The following SH3BGRL variants were observed in gnomAD, a reference collection of about 807,000 sequenced individuals.
SH3BGRL encodes adapter SH3BGRL.
Under a neutral mutation model 9.8 loss-of-function variants are expected in SH3BGRL, and 7 were observed. The ratio of observed to expected loss-of-function variants is 0.72; its 90% CI spans 0.41 to 1.35. SH3BGRL has a LOEUF of 1.35. SH3BGRL is among the 40% of genes most tolerant of loss of function. The pLI is 0.01. For missense variants in SH3BGRL, 73 were observed against 84.4 expected (o/e 0.86, Z 0.53); for synonymous variants, 36 against 29.1 (o/e 1.24, Z -0.76).
intron 1 of SH3BGRL, among the ~76,000 whole-genome samples, chrX:81,225,440 CTAT>C (rs2075613893): frequency 9.0e-6 from 1 of 110,704 alleles, no homozygotes; most frequent in Admixed American, 9.6e-5. Context: ...TCTCCATTGC[CTAT>C]TATTTAACTC....
intron 1 of SH3BGRL, among the ~76,000 whole-genome samples, chrX:81,228,014 T>A (rs899254935): frequency 8.9e-6 from 1 of 112,411 alleles, no homozygotes; most frequent in Non-Finnish European, 1.9e-5. Context: ...TTCATGTAAG[T>A]ATGTATAGTC....
Position 81,202,415 on chromosome X carries a change from A to ATT in SH3BGRL, c.45+182_45+183dup, listed in dbSNP as rs35063255. 0.011 allele frequency: 8,673 copies of ATT among 804,922 alleles called. 46 individuals carry two copies. In the East Asian group the frequency reaches 0.17, roughly 16 times the overall value. The allele number at this position is 804,922 out of a possible 1,213,427, so 66.3% of individuals were successfully genotyped here. A position where few individuals can be genotyped will look rare whatever the true frequency, so the allele number is the denominator to read the frequency against. Reference sequence around the variant, plus strand: ...TTTTTCCCTTTGTTGCATCGATTTCATTTTTTTTTTTTTCCACATAGAGTT... The same window carrying ATT: ...TTTTTCCCTTTGTTGCATCGATTTCATTTTTTTTTTTTTTTCCACATAGAGTT... On this transcript the variant is annotated intron_variant, in intron 1 of 3. Transcript: ENST00000373212.
chrX:81,295,788 C>A (rs985477827), intron 3 of SH3BGRL, among the ~76,000 whole-genome samples: 2 of 111,553 alleles, frequency 1.8e-5, no homozygotes, highest in Non-Finnish European at 3.8e-5. Flanking sequence ...TCAGTATGGA[C>A]CTTATTGTCC....
chrX:81,289,436 T>C (rs2075849029), intron 3 of SH3BGRL, among the ~76,000 whole-genome samples: 1 of 111,727 alleles, frequency 9.0e-6, no homozygotes, highest in African/African-American at 3.3e-5. Flanking sequence ...CACATCAAGT[T>C]AAAAAGTTTC....
intron 1 of SH3BGRL, among the ~76,000 whole-genome samples, chrX:81,231,739 C>G (rs929830101): frequency 8.9e-6 from 1 of 112,127 alleles, no homozygotes; most frequent in Non-Finnish European, 1.9e-5. Context: ...GGAGCTCAGT[C>G]AGCTTACTCA....
At chrX:81,294,177 C>T (rs2075866850) in intron 3 of SH3BGRL, among the ~76,000 whole-genome samples, 1 of 111,607 alleles carries the variant, frequency 9.0e-6, no homozygotes. Flanking sequence ...CAGAAATTTG[C>T]ATAAGTAATG....
intron 1 of SH3BGRL, among the ~76,000 whole-genome samples, chrX:81,244,674 G>A (rs2147689941): frequency 9.0e-6 from 1 of 111,264 alleles, no homozygotes; most frequent in Admixed American, 9.6e-5. Context: ...ATACTTTTAA[G>A]TTCTCAGACA....
At chrX:81,202,510 T>TTGGGAGA in intron 1 of SH3BGRL, 1 of 970,186 alleles carries the variant, frequency 1.0e-6, no homozygotes, top group Non-Finnish European at 1.3e-6. Flanking sequence ...CTACCAAGTT[T>TTGGGAGA]TGGGAGATGG....
At chrX:81,245,806 T>A (rs780394613) in intron 1 of SH3BGRL, among the ~76,000 whole-genome samples, 6 of 111,886 alleles carry the variant, frequency 5.4e-5, no homozygotes, top group African/African-American at 1.9e-4. Context: ...TAAGTGTGTC[T>A]TTTTGGTCGA....
chrX:81,276,812 G>T (rs2075799695), intron 1 of SH3BGRL, among the ~76,000 whole-genome samples, 172 bp from the exon 2 acceptor site: 1 of 111,378 alleles, frequency 9.0e-6, no homozygotes, highest in Admixed American at 9.5e-5. Flanking sequence ...TGGACCAAAA[G>T]CTCTTCAATA....
chrX:81,294,490 A>C (rs374462368), intron 3 of SH3BGRL, among the ~76,000 whole-genome samples: 2 of 110,306 alleles, frequency 1.8e-5, no homozygotes, highest in Non-Finnish European at 3.8e-5. Flanking sequence ...GAAGTCAAAA[A>C]TTGAGGTTTG....
At chrX:81,238,565 A>G (rs1602605272) in intron 1 of SH3BGRL, among the ~76,000 whole-genome samples, 1 of 111,714 alleles carries the variant, frequency 9.0e-6, no homozygotes. Context: ...GATCTGGGGG[A>G]ACTCACCACA....
chrX:81,277,453 G>C (rs2075802028), intron 2 of SH3BGRL, among the ~76,000 whole-genome samples: 1 of 112,364 alleles, frequency 8.9e-6, no homozygotes, highest in African/African-American at 3.2e-5. Context: ...ACCAAATTTA[G>C]TCATGTGAAG....
rs774917678 is a variant in SH3BGRL, at chrX:81,263,624, T to G, written c.46-13360T>G. ...GTCTGGAACTTTTCTCTGTCCATGC[T>G]GTTTTCCATAGTCAGAAGGAACTTT... is the stretch of plus-strand genomic sequence containing the variant. On this transcript the variant is annotated intron_variant, in intron 1 of 3. Transcript: ENST00000373212. Among the ~76,000 whole-genome samples the G allele has an allele frequency of 2.7e-5, 3 of 111,792 alleles. No homozygotes were observed. In the South Asian group the frequency reaches 1.1e-3, roughly 42 times the overall value.
At chrX:81,251,291 A>G (rs2075709701) in intron 1 of SH3BGRL, among the ~76,000 whole-genome samples, 1 of 112,177 alleles carries the variant, frequency 8.9e-6, no homozygotes, top group Non-Finnish European at 1.9e-5. Flanking sequence ...AAGGAATTTT[A>G]TATTTTAATA....
chrX:81,229,233 G>T (rs972646571), intron 1 of SH3BGRL, among the ~76,000 whole-genome samples: 5 of 111,060 alleles, frequency 4.5e-5, no homozygotes, highest in African/African-American at 1.3e-4. Flanking sequence ...AACCTCTGGG[G>T]GGAGCATGCA....
At chrX:81,213,734 C>T (rs1341069272) in intron 1 of SH3BGRL, among the ~76,000 whole-genome samples, 1 of 112,155 alleles carries the variant, frequency 8.9e-6, no homozygotes, top group Non-Finnish European at 1.9e-5. Context: ...CTACCTCTTT[C>T]ACTTCTTATT....
intron 1 of SH3BGRL, among the ~76,000 whole-genome samples, chrX:81,274,809 A>G (rs1005141817): frequency 4.5e-5 from 5 of 111,101 alleles, no homozygotes; most frequent in African/African-American, 1.6e-4. Flanking sequence ...AAGTTAGGAA[A>G]CATTTTTTTT....
chrX:81,280,162 G>A (rs971015838), intron 3 of SH3BGRL, among the ~76,000 whole-genome samples: 11 of 110,149 alleles, frequency 1.0e-4, no homozygotes, highest in Non-Finnish European at 2.1e-4. Context: ...CCTCACAGCA[G>A]CCACAGCAAG....
Sources: gnomAD v4.1 joint callset for allele counts (sites outside exome capture counted in the v4.1 genomes callset) on GRCh38, gnomAD v4.1.1 for gene constraint, MANE v1.5 for transcripts, NCBI Gene and HGNC (gene_info 2026-07-23, HGNC 2026-07-21) for gene names.